The following DACT3 variants were observed in gnomAD, a reference collection of about 807,000 sequenced individuals.
DACT3 encodes dishevelled binding antagonist of beta catenin 3, also known as dapper homolog 3.
In DACT3, 5 loss-of-function variants were observed where a neutral mutation model predicts 19.6. The ratio of observed to expected loss-of-function variants is 0.26; its 90% CI spans 0.13 to 0.54. The LOEUF is 0.54. DACT3 is among the 20% of genes least tolerant of loss of function. The probability of loss-of-function intolerance (pLI) is 0.95; values close to 1 mark genes in which losing one functional copy is unlikely to be tolerated. For missense variants in DACT3, 908 were observed against 927.4 expected (o/e 0.98, Z 0.27); for synonymous variants, 454 against 428.1 (o/e 1.06, Z -0.75).
Position 46,649,331 on chromosome 19 carries a change from G to C in DACT3, c.1041C>G (p.Asp347Glu), listed in dbSNP as rs2052954455. Residue 347 changes from aspartate to glutamate, a missense_variant, in exon 4 of 4, where the codon GAC (aspartate) becomes GAG (glutamate). By Grantham distance (45) the Asp-to-Glu change is conservative (BLOSUM62 2). This residue lies in a region of DACT3 where 656 missense variants were observed against 601.8 expected (regional missense o/e 1.09). Coordinates refer to ENST00000391916, the MANE Select transcript of DACT3 (RefSeq NM_145056.3). Reference protein sequence around the residue: ...AAPPAAPSPPDSPAEGRLVKA... With the variant: ...AAPPAAPSPPESPAEGRLVKA... The stretch of plus-strand genomic sequence containing the variant: ...TCACCAAGCGGCCCTCAGCCGGGCT[G>C]TCGGGGGGTGAGGGGGCGGCGGGCG... 1.6e-6 allele frequency: 2 copies of C among 1,242,786 alleles called. No homozygotes were observed. The highest frequency in any genetic ancestry group is 4.7e-5 in the South Asian group (2 of 42,610). The allele number at this position is 1,242,786 out of a possible 1,614,324, so 77.0% of individuals were successfully genotyped here.
At chr19:46,659,598 T>A in intron 1 of DACT3, 1 of 240,326 alleles carries the variant, frequency 4.2e-6, no homozygotes, top group Non-Finnish European at 6.7e-6. Flanking sequence ...GTCCCACTCC[T>A]GAGAGGGGGA....
In DACT3 at chr19:46,648,312, T is replaced by C; in HGVS notation, c.*170A>G. On this transcript the variant is annotated 3_prime_UTR_variant, in exon 4 of 4. Coordinates refer to ENST00000391916, the MANE Select transcript of DACT3 (RefSeq NM_145056.3). The surrounding 1 kb of genome is among the most constrained non-coding windows in gnomAD (Gnocchi z 5.1). ...CAGGGCTCCTCCCCATTCCTCTCGG[T>C]GGTGGTGGGGGAGCCTTTTCAACCA... is the stretch of plus-strand genomic sequence containing the variant. 1 of 1,111,178 alleles carries C rather than the reference T, an allele frequency of 9.0e-7. No individual in the cohort carries two copies. The highest frequency in any genetic ancestry group is 1.3e-6 in the Non-Finnish European group (1 of 779,140). 68.8% of individuals were successfully genotyped at this position (1,111,178 alleles called of 1,614,324 possible).
At chr19:46,657,508 C>T (rs1047334841) in intron 1 of DACT3, among the ~76,000 whole-genome samples, 2 of 151,562 alleles carry the variant, frequency 1.3e-5, no homozygotes, top group Non-Finnish European at 2.9e-5. Flanking sequence ...TGCCCGCCAC[C>T]ACGCCCAGCT....
chr19:46,659,435 G>A, intron 1 of DACT3: 2 of 984,608 alleles, frequency 2.0e-6, no homozygotes, highest in Non-Finnish European at 1.2e-6. Flanking sequence ...CTCATGCCTC[G>A]CATTCTCCTT....
chr19:46,654,810 C>T lies in DACT3; in HGVS notation c.250-1735G>A, dbSNP rs546349925. 3,613 of 985,288 alleles carry T rather than the reference C, an allele frequency of 3.7e-3. 8 individuals are homozygous for T. Among genetic ancestry groups the T allele is most frequent in the Non-Finnish European group, 4.2e-3 (3,485 of 829,886 alleles). 61.0% of individuals were successfully genotyped at this position (985,288 alleles called of 1,614,324 possible). A position where few individuals can be genotyped will look rare whatever the true frequency, so the allele number is the denominator to read the frequency against. On this transcript the variant is annotated intron_variant, in intron 1 of 3. Transcript: ENST00000391916. The stretch of plus-strand genomic sequence containing the variant: ...AGGGCAGAAAGACTGGCCGGCTCCC[C>T]GGCAGCCACAACCCCCCCGCCCCAT...
intron 1 of DACT3, chr19:46,654,154 G>C (rs756547249): frequency 1.0e-6 from 1 of 985,230 alleles, no homozygotes; most frequent in East Asian, 1.1e-4. Flanking sequence ...CCACCAGGAA[G>C]CTCCAGTGAG....
Position 46,649,218 on chromosome 19 carries a change from C to T in DACT3, c.1154G>A (p.Gly385Asp). The change falls in exon 4 of 4, where the codon GGC becomes GAC. Residue 385 changes from glycine (G) to aspartate (D), a missense_variant. Coordinates refer to ENST00000391916, the MANE Select transcript of DACT3 (RefSeq NM_145056.3). Reference protein sequence around the residue: ...ARRKPPPLTRGRSVEQSPPRE... With the variant: ...ARRKPPPLTRDRSVEQSPPRE... The stretch of plus-strand genomic sequence containing the variant: ...GGGTGGTGACTGCTCCACGCTGCGG[C>T]CGCGGGTCAGTGGCGGCGGTTTGCG... The T allele has an allele frequency of 8.3e-7, 1 of 1,200,300 alleles. No homozygotes were observed. Among genetic ancestry groups the T allele is most frequent in the East Asian group, 3.7e-5 (1 of 27,176 alleles). The allele number at this position is 1,200,300 out of a possible 1,614,324, so 74.4% of individuals were successfully genotyped here. A position where few individuals can be genotyped will look rare whatever the true frequency, so the allele number is the denominator to read the frequency against.
intron 1 of DACT3, among the ~76,000 whole-genome samples, chr19:46,657,416 C>T (rs553076898): frequency 1.4e-3 from 186 of 131,876 alleles, no homozygotes; most frequent in African/African-American, 5.1e-3. Context: ...TGCAGTGGCA[C>T]AATCTCGGCT....
chr19:46,652,423 G>C, intron 3 of DACT3: 1 of 535,992 alleles, frequency 1.9e-6, no homozygotes, highest in Non-Finnish European at 3.3e-6. Flanking sequence ...GGCCTCAAGT[G>C]ATCCGCCCAC....
At chr19:46,652,950 G>A (rs1247810128) in intron 2 of DACT3, 29 bp downstream of exon 2, 1 of 1,548,918 alleles carries the variant, frequency 6.5e-7, no homozygotes, top group Admixed American at 2.0e-5. Context: ...GGCGTCCCAG[G>A]CAAACCCTAC....
Position 46,648,171 on chromosome 19 carries a change from C to G in DACT3, c.*311G>C. The G allele has an allele frequency of 3.2e-6, 1 of 314,292 alleles. No individual in the cohort carries two copies. Among genetic ancestry groups the G allele is most frequent in the Non-Finnish European group, 5.9e-6 (1 of 170,080 alleles). 19.5% of individuals were successfully genotyped at this position (314,292 alleles called of 1,614,324 possible). On this transcript the variant is annotated 3_prime_UTR_variant, in exon 4 of 4. Coordinates refer to ENST00000391916, the MANE Select transcript of DACT3 (RefSeq NM_145056.3). This position sits in a 1 kb window ranked among gnomAD's most constrained non-coding sequence, Gnocchi z 5.1. ...TAAACTAAAACGGGGAAATTCAAAC[C>G]GAATTACCCCTTTTGCATACATGGA...
rs999489016 is a variant in DACT3, at chr19:46,648,999, C to T, written c.1373G>A (p.Arg458His). ...EREEPRPPRP[R>H]RGPAPTLAAQ... Reference sequence around the variant, plus strand: ...CGCCAGCGTGGGCGCTGGGCCGCGGCGTGGCCGTGGAGGCCGAGGCTCTTC... The same window carrying T: ...CGCCAGCGTGGGCGCTGGGCCGCGGTGTGGCCGTGGAGGCCGAGGCTCTTC... Residue 458 changes from arginine to histidine, a missense_variant, in exon 4 of 4, where the codon CGC becomes CAC. Physicochemically the swap from Arg to His is conservative, Grantham distance 29. Transcript: ENST00000391916. The surrounding 1 kb of genome is among the most constrained non-coding windows in gnomAD (Gnocchi z 5.1). The T allele has an allele frequency of 1.1e-5, 14 of 1,268,600 alleles. No individual in the cohort carries two copies. The Admixed American group carries it at 2.1e-4, about 19-fold the overall frequency. The allele number at this position is 1,268,600 out of a possible 1,614,324, so 78.6% of individuals were successfully genotyped here.
In DACT3 at chr19:46,649,550, G is replaced by T. The variant is rs1324489494; in HGVS notation, c.822C>A (p.Gly274=). The T allele has an allele frequency of 1.9e-6, 2 of 1,044,752 alleles. No homozygotes were observed. Among genetic ancestry groups the T allele is most frequent in the Non-Finnish European group, 2.3e-6 (2 of 871,366 alleles). The allele number at this position is 1,044,752 out of a possible 1,614,324, so 64.7% of individuals were successfully genotyped here. The change falls in exon 4 of 4, where the codon GGC becomes GGA. Residue 274 remains glycine (G), a synonymous_variant. Transcript: ENST00000391916. The stretch of plus-strand genomic sequence containing the variant: ...TCTGGCGCCGCGGGCCGCCGTCCGC[G>T]CCCCCGGGACTGGTCCGGGGCTGGC... ...GAGQPRTSPG[G]ADGGPRRQNS... is the part of the protein sequence containing the mutation.
At position 46,653,026 on chromosome 19, in the gene DACT3, A is replaced by G; in HGVS notation, c.299T>C (p.Leu100Pro). ...TTCCAGGCCCCCAGACTCCAGGCTCAGGTCTCCCAGCTGCTGTCCCAGGTC... is the reference window on the plus strand; with the variant it reads ...TTCCAGGCCCCCAGACTCCAGGCTCGGGTCTCCCAGCTGCTGTCCCAGGTC... Reference protein sequence around the residue: ...VWDLGQQLGDLSLESGGLEQE... With the variant: ...VWDLGQQLGDPSLESGGLEQE... Residue 100 changes from leucine (L) to proline (P), a missense_variant, in exon 2 of 4, where the codon CTG (leucine) becomes CCG (proline). Physicochemically the swap from Leu to Pro is moderately conservative, Grantham distance 98. This residue lies in a region of DACT3 where 252 missense variants were observed against 325.6 expected (regional missense o/e 0.77). Transcript: ENST00000391916. 1 of 1,551,554 alleles carries G rather than the reference A, an allele frequency of 6.4e-7. No individual in the cohort carries two copies. The highest frequency in any genetic ancestry group is 8.7e-7 in the Non-Finnish European group (1 of 1,146,996).
At position 46,652,822 on chromosome 19, in the gene DACT3, CAGG is replaced by C. The variant is rs749653406; in HGVS notation, c.347-13_347-11del. 1.9e-5 allele frequency: 29 copies of C among 1,547,390 alleles called. No individual in the cohort carries two copies. The highest frequency in any genetic ancestry group is 1.4e-4 in the Admixed American group (7 of 50,692). On this transcript the variant is annotated splice_polypyrimidine_tract_variant and intron_variant, in intron 2 of 3. Transcript: ENST00000391916. ...GGATCTTCATAGAAGCCTAAATTTCCAGGAGAAGCAGAGAGACTTCAGGGGGTT... is the reference window on the plus strand; with the variant it reads ...GGATCTTCATAGAAGCCTAAATTTCCAGAAGCAGAGAGACTTCAGGGGGTT...
intron 1 of DACT3, among the ~76,000 whole-genome samples, chr19:46,657,294 G>C (rs1019991447): frequency 6.6e-6 from 1 of 151,800 alleles, no homozygotes; most frequent in South Asian, 2.1e-4. Context: ...TCTATAACTG[G>C]GCATCATAGG....
At position 46,659,681 on chromosome 19, in the gene DACT3, C is replaced by T. The variant is rs554329572; in HGVS notation, c.249+1135G>A. 3.3e-5 allele frequency among the ~76,000 whole-genome samples: 5 copies of T among 152,176 alleles called. No individual in the cohort carries two copies. In the South Asian group the frequency reaches 8.3e-4, roughly 25 times the overall value. On this transcript the variant is annotated intron_variant, in intron 1 of 3. Coordinates refer to ENST00000391916, the MANE Select transcript of DACT3 (RefSeq NM_145056.3). Reference sequence around the variant, plus strand: ...ACTCCCCATCTGGGGAGGGGGCGGTCGAGGTCAGCGGCGGGGAGAGCCCCC... The same window carrying T: ...ACTCCCCATCTGGGGAGGGGGCGGTTGAGGTCAGCGGCGGGGAGAGCCCCC...
In DACT3 at chr19:46,659,486, G is replaced by A. The variant is rs549461910; in HGVS notation, c.249+1330C>T. ...GCCTTCCAAGCCGAGCCAGCTTGGG[G>A]TGGGGGGAGCTAGCGAAGGCCCCCA... On this transcript the variant is annotated intron_variant, in intron 1 of 3. Transcript: ENST00000391916. 5 of 985,024 alleles carry A rather than the reference G, an allele frequency of 5.1e-6. No homozygotes were observed. In the South Asian group the frequency reaches 1.4e-4, roughly 28 times the overall value. 61.0% of individuals were successfully genotyped at this position (985,024 alleles called of 1,614,324 possible).
In DACT3 at chr19:46,660,058, G is replaced by A. The variant is rs1246660654; in HGVS notation, c.249+758C>T. Among the ~76,000 whole-genome samples, 2 of 152,142 alleles carry A rather than the reference G, an allele frequency of 1.3e-5. No individual in the cohort carries two copies. Among genetic ancestry groups the A allele is most frequent in the African/African-American group, 4.8e-5 (2 of 41,418 alleles). ...CATAGAAAGGGGAGAGGCATGGGGCGTCCTCAAGTCATTCCGGAGACCTCT... is the reference window on the plus strand; with the variant it reads ...CATAGAAAGGGGAGAGGCATGGGGCATCCTCAAGTCATTCCGGAGACCTCT... On this transcript the variant is annotated intron_variant, in intron 1 of 3. Coordinates refer to ENST00000391916, the MANE Select transcript of DACT3 (RefSeq NM_145056.3). The surrounding 1 kb of genome is among the most constrained non-coding windows in gnomAD (Gnocchi z 4.9).
Sources: allele counts gnomAD v4.1 joint callset (sites outside exome capture counted in the v4.1 genomes callset), GRCh38; gene constraint gnomAD v4.1.1; regional missense constraint gnomAD v4.1.1; non-coding constraint Gnocchi (gnomAD v3.1); transcripts MANE v1.5; gene names NCBI Gene and HGNC (gene_info 2026-07-23, HGNC 2026-07-21).